Variants in HCLS1 observed in about 807,000 individuals in gnomAD.
The protein encoded by HCLS1 is hematopoietic lineage cell-specific protein.
Under a neutral mutation model 68.6 loss-of-function variants are expected in HCLS1, and 44 were observed. That is an observed-to-expected ratio of 0.64 (90% CI 0.50 to 0.82). The LOEUF is 0.82. Ranked by LOEUF, HCLS1 falls within the 40% of genes least tolerant of loss-of-function variation. The probability of loss-of-function intolerance (pLI) is 0.00; values close to 1 mark genes in which losing one functional copy is unlikely to be tolerated. For synonymous variants in HCLS1, 217 were observed against 225.8 expected (o/e 0.96, Z 0.35); for missense variants, 602 against 612.1 (o/e 0.98, Z 0.17).
chr3:121,637,363 GGGAAAAGAGCAGGGCTTGAATAC>G, intron 6 of HCLS1, 107 bp from the exon 7 acceptor site: 1 of 730,980 alleles, frequency 1.4e-6, no homozygotes, highest in Non-Finnish European at 2.5e-6. Flanking sequence ...TTAGGGGCCT[GGGAAAAGAGCAGGGCTTGAATAC>G]AGGGGAATTA....
chr3:121,639,019 A>G (rs1353111536), intron 6 of HCLS1, among the ~76,000 whole-genome samples: 1 of 55,998 alleles, frequency 1.8e-5, no homozygotes, highest in African/African-American at 4.7e-5. Flanking sequence ...CAACACACAC[A>G]CACACGCACA....
Position 121,634,268 on chromosome 3 carries a change from G to A in HCLS1, c.842C>T (p.Pro281Leu). 6.2e-7 allele frequency: 1 copy of A among 1,614,144 alleles called. No individual in the cohort carries two copies. The highest frequency in any genetic ancestry group is 8.5e-7 in the Non-Finnish European group (1 of 1,180,030). The change falls in exon 10 of 14, where the codon CCA (proline) becomes CTA (leucine). Residue 281 changes from proline to leucine, a missense_variant. By Grantham distance (98) the Pro-to-Leu change is moderately conservative. Coordinates refer to ENST00000314583, the MANE Select transcript of HCLS1 (RefSeq NM_005335.6). ...VTKRSPEAPQPVIAMEEPAVP... is the reference protein window; with the variant it reads ...VTKRSPEAPQLVIAMEEPAVP... ...TGCTGGCTCTTCCATAGCTATCACT[G>A]GCTGTGGAGCCTCAGGGCTCCTCTT...
At position 121,647,174 on chromosome 3, in the gene HCLS1, G is replaced by A. The variant is rs995386462; in HGVS notation, c.288+145C>T. On this transcript the variant is annotated intron_variant, in intron 4 of 13. Transcript: ENST00000314583. ...TTTTTTGTATTTTTAGTAGAGATGG[G>A]GTTTCACCGTGTTAGCCAGGATGGT... 51 of 740,678 alleles carry A rather than the reference G, an allele frequency of 6.9e-5. 1 individual carries two copies. In the East Asian group the frequency reaches 1.3e-3, roughly 18 times the overall value. The allele number at this position is 740,678 out of a possible 1,614,324, so 45.9% of individuals were successfully genotyped here.
At chr3:121,654,760 T>G (rs978674858) in intron 3 of HCLS1, among the ~76,000 whole-genome samples, 1 of 152,154 alleles carries the variant, frequency 6.6e-6, no homozygotes, top group Non-Finnish European at 1.5e-5. Context: ...TTTGTTTGTT[T>G]TTTGTTTTTT....
At chr3:121,654,588 T>G (rs775521636) in intron 3 of HCLS1, among the ~76,000 whole-genome samples, 4 of 152,176 alleles carry the variant, frequency 2.6e-5, no homozygotes, top group Non-Finnish European at 5.9e-5. Context: ...CCATTTGAAT[T>G]ATTCACTGAA....
At chr3:121,658,475 A>G (rs998313931) in intron 1 of HCLS1, 128 bp from the exon 2 acceptor site, 1 of 703,854 alleles carries the variant, frequency 1.4e-6, no homozygotes, top group Non-Finnish European at 2.5e-6. Context: ...AGAAGAAAAT[A>G]GAAAATGAAG....
At chr3:121,638,124 A>G (rs924482512) in intron 6 of HCLS1, among the ~76,000 whole-genome samples, 1 of 152,060 alleles carries the variant, frequency 6.6e-6, no homozygotes, top group Non-Finnish European at 1.5e-5. Flanking sequence ...TGCTCAAGCT[A>G]TAGTGCAGAG....
At chr3:121,635,115 G>A (rs1257031839) in intron 9 of HCLS1, among the ~76,000 whole-genome samples, 1 of 151,740 alleles carries the variant, frequency 6.6e-6, no homozygotes, top group Admixed American at 6.6e-5. Flanking sequence ...CCCCACCCCT[G>A]TCCCAAGCCA....
At chr3:121,638,779 G>C (rs17691170) in intron 6 of HCLS1, among the ~76,000 whole-genome samples, 33,433 of 152,082 alleles carry the variant, frequency 0.22, 4,227 homozygotes, top group Non-Finnish European at 0.29. Context: ...CATTCTAAGA[G>C]ACAAGAAAGA....
chr3:121,635,879 G>T, intron 8 of HCLS1, 75 bp from the exon 9 acceptor site: 1 of 1,122,188 alleles, frequency 8.9e-7, no homozygotes, highest in Non-Finnish European at 1.4e-6. Flanking sequence ...AGTATTGGGG[G>T]TTGGGGGCCA....
intron 3 of HCLS1, among the ~76,000 whole-genome samples, chr3:121,649,827 G>T (rs1301843713): frequency 6.6e-6 from 1 of 152,054 alleles, no homozygotes; most frequent in Non-Finnish European, 1.5e-5. Flanking sequence ...CCTCAAAGAT[G>T]ACTCATTCCT....
In HCLS1 at chr3:121,631,888, G is replaced by T. The variant is rs755100532; in HGVS notation, c.1419C>A (p.His473Gln). 6.2e-7 allele frequency: 1 copy of T among 1,614,178 alleles called. No individual in the cohort carries two copies. The highest frequency in any genetic ancestry group is 1.7e-5 in the Admixed American group (1 of 60,024). ...EGWWRGRCHG[H>Q]FGLFPANYVK... ...CATAATTTGCAGGGAAGAGTCCAAA[G>T]TGGCCATGGCAACGTCCCCGCCACC... is the stretch of plus-strand genomic sequence containing the variant. Residue 473 changes from histidine (H) to glutamine (Q), a missense_variant, in exon 14 of 14, where the codon CAC (histidine) becomes CAA (glutamine). Coordinates refer to ENST00000314583, the MANE Select transcript of HCLS1 (RefSeq NM_005335.6).
At position 121,632,331 on chromosome 3, in the gene HCLS1, C is replaced by T. The variant is rs1360459685; in HGVS notation, c.1240+1G>A. The T allele has an allele frequency of 6.2e-7, 1 of 1,613,942 alleles. No individual in the cohort carries two copies. The highest frequency in any genetic ancestry group is 8.5e-7 in the Non-Finnish European group (1 of 1,179,858). The stretch of plus-strand genomic sequence containing the variant: ...CTCCTGCTTCTCCTCCCATCACTCA[C>T]CAGCCAGAGCAGAAGAAAAAGAAGA... On this transcript the variant is annotated splice_donor_variant, in intron 12 of 13. Coordinates refer to ENST00000314583, the MANE Select transcript of HCLS1 (RefSeq NM_005335.6). LOFTEE classifies it high-confidence loss of function.
chr3:121,654,144 T>C (rs943875611), intron 3 of HCLS1: 1 of 152,288 alleles, frequency 6.6e-6, no homozygotes, highest in East Asian at 1.9e-4. Context: ...CCCCTGCTCC[T>C]GGGAGGTGGG....
At chr3:121,657,432 C>T in intron 2 of HCLS1, 80 bp from the exon 3 acceptor site, 1 of 1,227,594 alleles carries the variant, frequency 8.1e-7, no homozygotes. Context: ...GACACATGCC[C>T]TCCATGTCCC....
At chr3:121,654,771 C>A (rs1353539784) in intron 3 of HCLS1, among the ~76,000 whole-genome samples, 7 of 151,874 alleles carry the variant, frequency 4.6e-5, no homozygotes, top group Non-Finnish European at 7.4e-5. Context: ...TTTGTTTTTT[C>A]ATTTTGGGAT....
chr3:121,641,070 C>T (rs974137494), intron 6 of HCLS1, among the ~76,000 whole-genome samples: 8 of 152,022 alleles, frequency 5.3e-5, no homozygotes, highest in Non-Finnish European at 1.0e-4. Context: ...TGCCTGAGAA[C>T]TTCCTATAAT....
Position 121,633,174 on chromosome 3 carries a change from G to A in HCLS1, c.904-3C>T, listed in dbSNP as rs114157000. ...GGAGTCCCAACTGGAGGCCAGGCCT[G>A]TGGAAAATGAAGCATCTCTCAAGTA... On this transcript the variant is annotated splice_polypyrimidine_tract_variant and splice_region_variant and intron_variant, in intron 10 of 13. Coordinates refer to ENST00000314583, the MANE Select transcript of HCLS1 (RefSeq NM_005335.6). The A allele has an allele frequency of 3.3e-3, 5,183 of 1,585,632 alleles. 124 individuals are homozygous for A. The African/African-American group carries it at 0.06, about 18-fold the overall frequency.
At chr3:121,636,987 C>T (rs557809299) in intron 7 of HCLS1, among the ~76,000 whole-genome samples, 159 bp downstream of exon 7, 1 of 152,256 alleles carries the variant, frequency 6.6e-6, no homozygotes, top group South Asian at 2.1e-4. Context: ...TCTCCCCTCA[C>T]TACCACCACC....
Sources: allele counts gnomAD v4.1 joint callset (sites outside exome capture counted in the v4.1 genomes callset), GRCh38; gene constraint gnomAD v4.1.1; transcripts MANE v1.5; gene names NCBI Gene and HGNC (gene_info 2026-07-23, HGNC 2026-07-21).